The following RABGAP1L variants were observed in gnomAD, a reference collection of about 807,000 sequenced individuals.
RABGAP1L encodes rab GTPase-activating protein 1-like.
A neutral mutation model predicts 137.7 loss-of-function variants in RABGAP1L; 63 were observed. The ratio of observed to expected loss-of-function variants is 0.46; its 90% confidence interval spans 0.37 to 0.56. The LOEUF is 0.56. RABGAP1L is among the 20% of genes least tolerant of loss of function. The pLI, the probability that RABGAP1L is intolerant of heterozygous loss-of-function variation, is 0.00. For synonymous variants in RABGAP1L, 431 were observed against 433.7 expected (o/e 0.99, Z 0.08); for missense variants, 1,095 against 1,244.0 (o/e 0.88, Z 1.80).
intron 11 of RABGAP1L, among the ~76,000 whole-genome samples, chr1:174,357,007 A>G (rs1289354975): frequency 6.6e-6 from 1 of 152,140 alleles, no homozygotes; most frequent in Admixed American, 6.6e-5. Flanking sequence ...GGGTCTGATG[A>G]CATCTTGTAT....
chr1:174,287,618 G>A (rs1349162475), intron 10 of RABGAP1L, among the ~76,000 whole-genome samples: 2 of 152,002 alleles, frequency 1.3e-5, no homozygotes, highest in Admixed American at 6.6e-5. Context: ...TCAGCCCCCC[G>A]AGTAGCTGGG....
rs142410559 is a variant in RABGAP1L at position 174,587,674 on chromosome 1, G to A, written c.1711-49701G>A. ...TTTCTTCCCAACATAAGCTCCATCA[G>A]GGTCAAGACACTTTCCAAATAAAAA... is the stretch of plus-strand genomic sequence containing the variant. On this transcript the variant is annotated intron_variant, in intron 13 of 25. Coordinates refer to ENST00000681986, the MANE Select transcript of RABGAP1L (RefSeq NM_001366446.1). 7.8e-3 allele frequency among the ~76,000 whole-genome samples: 1,179 copies of A among 152,012 alleles called. 10 individuals are homozygous for A. The highest frequency in any genetic ancestry group is 0.013 in the Non-Finnish European group (874 of 67,970).
intron 18 of RABGAP1L, among the ~76,000 whole-genome samples, chr1:174,782,342 T>A (rs913088214): frequency 6.6e-6 from 1 of 152,202 alleles, no homozygotes; most frequent in Non-Finnish European, 1.5e-5. Flanking sequence ...TGAATGGGAA[T>A]TCACTCATGA....
intron 12 of RABGAP1L, among the ~76,000 whole-genome samples, chr1:174,375,501 A>G (rs907860611): frequency 9.9e-5 from 15 of 152,128 alleles, no homozygotes; most frequent in African/African-American, 2.9e-4. Context: ...GAGAGAGAAC[A>G]CAGATACAAG....
chr1:174,498,791 G>GT (rs1660984346), intron 13 of RABGAP1L, among the ~76,000 whole-genome samples: 1 of 151,734 alleles, frequency 6.6e-6, no homozygotes, highest in African/African-American at 2.4e-5. Flanking sequence ...GATTACAGGT[G>GT]TGAGCCACCG....
intron 19 of RABGAP1L, among the ~76,000 whole-genome samples, chr1:174,916,655 G>T (rs775169730): frequency 3.9e-5 from 6 of 152,138 alleles, no homozygotes; most frequent in Non-Finnish European, 8.8e-5. Context: ...AATTTGATGT[G>T]GTGGCTGCGT....
At chr1:174,502,690 G>A (rs572477559) in intron 13 of RABGAP1L, among the ~76,000 whole-genome samples, 15 of 149,040 alleles carry the variant, frequency 1.0e-4, no homozygotes, top group South Asian at 2.1e-4. Context: ...ATATGTGTGT[G>A]TATATATACA....
intron 19 of RABGAP1L, among the ~76,000 whole-genome samples, chr1:174,933,096 A>C (rs1406151117): frequency 6.6e-6 from 1 of 152,124 alleles, no homozygotes; most frequent in East Asian, 1.9e-4. Flanking sequence ...ACATACATGC[A>C]TACATACATA....
At chr1:174,249,938 C>T (rs992506339) in intron 5 of RABGAP1L, among the ~76,000 whole-genome samples, 8 of 152,076 alleles carry the variant, frequency 5.3e-5, no homozygotes, top group Non-Finnish European at 7.4e-5. Context: ...CCACTGTGCC[C>T]GGCCCTCTTG....
At chr1:174,370,463 C>CT (rs1183875194) in intron 11 of RABGAP1L, among the ~76,000 whole-genome samples, 18,421 of 37,860 alleles carry the variant, frequency 0.49, 5,691 homozygotes, top group Non-Finnish European at 0.58. Context: ...TTAAAAATAC[C>CT]TTTTTTTTTT....
chr1:174,537,907 A>G (rs1665020731), intron 13 of RABGAP1L, among the ~76,000 whole-genome samples: 1 of 152,186 alleles, frequency 6.6e-6, no homozygotes, highest in Non-Finnish European at 1.5e-5. Flanking sequence ...TTGTTCAATA[A>G]GGGCTCACCC....
intron 24 of RABGAP1L, among the ~76,000 whole-genome samples, chr1:174,986,298 T>C (rs544144472): frequency 6.6e-6 from 1 of 152,306 alleles, no homozygotes; most frequent in East Asian, 1.9e-4. Flanking sequence ...CCATACTCTA[T>C]GGCAGAATTT....
chr1:174,181,676 C>A (rs557951686), intron 1 of RABGAP1L, among the ~76,000 whole-genome samples: 1 of 152,110 alleles, frequency 6.6e-6, no homozygotes, highest in African/African-American at 2.4e-5. Flanking sequence ...ATTTTGGTAT[C>A]CATGGGGGAT....
intron 19 of RABGAP1L, among the ~76,000 whole-genome samples, chr1:174,864,604 A>C (rs1360058712): frequency 6.6e-6 from 1 of 152,170 alleles, no homozygotes; most frequent in Non-Finnish European, 1.5e-5. Flanking sequence ...CAAGAACAGC[A>C]TGGGGGAACC....
At chr1:174,912,018 GT>G (rs1286136682) in intron 19 of RABGAP1L, among the ~76,000 whole-genome samples, 5 of 152,158 alleles carry the variant, frequency 3.3e-5, no homozygotes, top group Admixed American at 1.3e-4. Flanking sequence ...TTGGATACTT[GT>G]TTCATCATTG....
intron 13 of RABGAP1L, among the ~76,000 whole-genome samples, chr1:174,399,237 G>A (rs1475066626): frequency 6.6e-6 from 1 of 151,958 alleles, no homozygotes; most frequent in African/African-American, 2.4e-5. Context: ...CTGTCCTTGG[G>A]GTAGCAATGA....
intron 11 of RABGAP1L, among the ~76,000 whole-genome samples, chr1:174,360,313 AC>A (rs778227844): frequency 5.3e-5 from 8 of 152,186 alleles, no homozygotes; most frequent in Non-Finnish European, 1.2e-4. Flanking sequence ...GAAATATAAA[AC>A]TCAGAAATAA....
chr1:174,612,271 G>C (rs1161919132), intron 13 of RABGAP1L, among the ~76,000 whole-genome samples: 3 of 152,298 alleles, frequency 2.0e-5, no homozygotes, highest in South Asian at 4.1e-4. Flanking sequence ...ATGAAGCATT[G>C]TTGAATTTTG....
intron 11 of RABGAP1L, among the ~76,000 whole-genome samples, chr1:174,329,246 A>G (rs1680810734): frequency 6.6e-6 from 1 of 152,184 alleles, no homozygotes; most frequent in African/African-American, 2.4e-5. Flanking sequence ...GGAGAAATGG[A>G]TAAATTTTTG....
Sources: gnomAD v4.1 joint callset for allele counts (sites outside exome capture counted in the v4.1 genomes callset) on GRCh38, gnomAD v4.1.1 for gene constraint, MANE v1.5 for transcripts, NCBI Gene and HGNC (gene_info 2026-07-23, HGNC 2026-07-21) for gene names.